The following WNT2B variants were observed in gnomAD, a reference collection of about 807,000 sequenced individuals.
WNT2B encodes protein Wnt-2b.
WNT2B carries 19 observed loss-of-function variants against 40.5 expected under a neutral mutation model. The ratio of observed to expected loss-of-function variants is 0.47; its 90% CI spans 0.33 to 0.69. The LOEUF (loss-of-function observed/expected upper bound fraction) is 0.69, where lower values mean the gene tolerates loss of function less well. WNT2B is among the 30% of genes least tolerant of loss of function. WNT2B has a pLI of 0.02. For missense variants in WNT2B, 467 were observed against 556.4 expected, an observed-to-expected ratio of 0.84 and a Z score of 1.62; for synonymous variants, 220 against 211.9, an observed-to-expected ratio of 1.04 and a Z score of -0.33.
chr1:112,518,882 G>A (rs1570801181), intron 4 of WNT2B, among the ~76,000 whole-genome samples: 1 of 152,184 alleles, frequency 6.6e-6, no homozygotes, highest in African/African-American at 2.4e-5. Context: ...TGATAGAAAT[G>A]TTTTCCTATC....
At chr1:112,490,529 T>G (rs376590731) in intron 1 of WNT2B, among the ~76,000 whole-genome samples, 2,672 of 150,808 alleles carry the variant, frequency 0.018, 83 homozygotes, top group African/African-American at 0.06. Context: ...TCGCTCTGTC[T>G]CCCAGGTTGG....
At chr1:112,506,145 C>A (rs1476740634), upstream of WNT2B, among the ~76,000 whole-genome samples, 1 of 152,066 alleles carries the variant, frequency 6.6e-6, no homozygotes, top group Non-Finnish European at 1.5e-5. Context: ...TAGCTGGGAC[C>A]ACAGGTGTGC....
chr1:112,521,821 C>T lies in WNT2B; in HGVS notation c.*1312C>T, dbSNP rs1652898116. 6.6e-6 allele frequency: 1 copy of T among 152,026 alleles called. No individual in the cohort carries two copies. Among genetic ancestry groups the T allele is most frequent in the Non-Finnish European group, 1.5e-5 (1 of 68,030 alleles). The allele number at this position is 152,026 out of a possible 1,614,324, so 9.4% of individuals were successfully genotyped here. ...ATGAAGTCCCCCAAAACTTGATGTC[C>T]TATTTTTATGTGAGTTGGACAGTGG... On this transcript the variant is annotated 3_prime_UTR_variant, in exon 5 of 5. Coordinates refer to ENST00000369684, the MANE Select transcript of WNT2B (RefSeq NM_024494.3).
At chr1:112,502,324 C>T (rs115238858) in intron 1 of WNT2B, among the ~76,000 whole-genome samples, 3,159 of 152,324 alleles carry the variant, frequency 0.021, 126 homozygotes, top group African/African-American at 0.072. Flanking sequence ...CGCCAGAGCC[C>T]TGCCCTGCAC....
At chr1:112,478,890 T>C (rs1326369367) in intron 1 of WNT2B, among the ~76,000 whole-genome samples, 1 of 152,026 alleles carries the variant, frequency 6.6e-6, no homozygotes, top group Non-Finnish European at 1.5e-5. Flanking sequence ...ACCACAGCAC[T>C]CTAGCTTGGG....
upstream of WNT2B, among the ~76,000 whole-genome samples, chr1:112,505,261 G>A (rs2101077518): frequency 6.6e-6 from 1 of 152,352 alleles, no homozygotes; most frequent in Middle Eastern, 3.4e-3. Flanking sequence ...TACTGATACT[G>A]TTCACTATGT....
In WNT2B at chr1:112,514,977, G is replaced by C. The variant is rs750053955; in HGVS notation, c.286G>C (p.Val96Leu). The change falls in exon 2 of 5, where the codon GTG becomes CTG. Residue 96 changes from valine (V) to leucine (L), a missense_variant. Physicochemically the swap from Val to Leu is conservative, Grantham distance 32. Coordinates refer to ENST00000369684, the MANE Select transcript of WNT2B (RefSeq NM_024494.3). The part of the protein sequence containing the change: ...CQRYPDIMRS[V>L]GEGAREWIRE... ...GCGTTACCCAGACATCATGCGTTCAGTGGGCGAGGGTGCCCGAGAATGGAT... is the reference window on the plus strand; with the variant it reads ...GCGTTACCCAGACATCATGCGTTCACTGGGCGAGGGTGCCCGAGAATGGAT... 1.9e-6 allele frequency: 3 copies of C among 1,614,120 alleles called. No individual in the cohort carries two copies. In the African/African-American group the frequency reaches 4.0e-5, roughly 22 times the overall value.
intron 1 of WNT2B, among the ~76,000 whole-genome samples, chr1:112,502,159 G>A (rs1196644231): frequency 6.6e-6 from 1 of 152,210 alleles, no homozygotes; most frequent in East Asian, 1.9e-4. Context: ...CCGGCGCGCA[G>A]GTGCTGCGCC....
chr1:112,492,257 A>G (rs540085788), intron 1 of WNT2B, among the ~76,000 whole-genome samples: 2 of 152,346 alleles, frequency 1.3e-5, no homozygotes, highest in South Asian at 4.1e-4. Flanking sequence ...TGAAAAATCA[A>G]CACCCTTCTT....
intron 1 of WNT2B, among the ~76,000 whole-genome samples, chr1:112,482,999 A>G (rs1452635236): frequency 6.6e-6 from 1 of 152,178 alleles, no homozygotes; most frequent in East Asian, 1.9e-4. Flanking sequence ...TTGAGCAAGA[A>G]CAAAGCTGGA....
chr1:112,480,890 C>T (rs535398549), intron 1 of WNT2B, among the ~76,000 whole-genome samples: 4 of 151,988 alleles, frequency 2.6e-5, no homozygotes, highest in Non-Finnish European at 5.9e-5. Flanking sequence ...CACCATAGGC[C>T]GGGCATGGTG....
intron 1 of WNT2B, among the ~76,000 whole-genome samples, chr1:112,473,070 A>AG (rs1557905706): frequency 6.8e-6 from 1 of 146,272 alleles, no homozygotes; most frequent in African/African-American, 2.6e-5. Context: ...GGAAAGGAAG[A>AG]AAAAGAAAGA....
intron 1 of WNT2B, among the ~76,000 whole-genome samples, chr1:112,491,304 G>A (rs765608098): frequency 3.9e-4 from 60 of 152,148 alleles, no homozygotes; most frequent in Admixed American, 2.6e-4. Flanking sequence ...GCTACTGGGA[G>A]ACTGAGGCAG....
At position 112,520,944 on chromosome 1, in the gene WNT2B, C is replaced by T. The variant is rs1458052631; in HGVS notation, c.*435C>T. The T allele has an allele frequency of 1.7e-5, 3 of 173,422 alleles. No homozygotes were observed. The highest frequency in any genetic ancestry group is 3.7e-5 in the Non-Finnish European group (3 of 80,524). 10.7% of individuals were successfully genotyped at this position (173,422 alleles called of 1,614,324 possible). A position where few individuals can be genotyped will look rare whatever the true frequency, so the allele number is the denominator to read the frequency against. ...TGGGACAAAGATGAATGGCATGTCC[C>T]TTCTCTGAAGTCCGTTTGAGCAGAA... On this transcript the variant is annotated 3_prime_UTR_variant, in exon 5 of 5. Transcript: ENST00000369684.
chr1:112,471,487 C>T (rs1650879101), intron 1 of WNT2B, among the ~76,000 whole-genome samples: 1 of 152,218 alleles, frequency 6.6e-6, no homozygotes, highest in African/African-American at 2.4e-5. Context: ...TATCTATTCA[C>T]AATTATTGAT....
chr1:112,489,141 G>A (rs1283028018), intron 1 of WNT2B, among the ~76,000 whole-genome samples: 1 of 152,044 alleles, frequency 6.6e-6, no homozygotes, highest in East Asian at 1.9e-4. Context: ...TGGGAGAACA[G>A]GTAGCAAATT....
chr1:112,486,132 A>AACACACACACACACACACAC (rs71584737), intron 1 of WNT2B, among the ~76,000 whole-genome samples: 5,056 of 143,718 alleles, frequency 0.035, 196 homozygotes, highest in African/African-American at 0.084. Context: ...ATGAGTTTTT[A>AACACACACACACACACACAC]ACACACACAC....
chr1:112,497,839 T>C (rs1025234780), intron 1 of WNT2B, among the ~76,000 whole-genome samples: 1 of 152,144 alleles, frequency 6.6e-6, no homozygotes, highest in African/African-American at 2.4e-5. Flanking sequence ...CTATAAGCAG[T>C]TAAGAGAAGC....
intron 1 of WNT2B, among the ~76,000 whole-genome samples, chr1:112,478,935 T>C (rs1040845566): frequency 6.6e-6 from 1 of 151,308 alleles, no homozygotes; most frequent in African/African-American, 2.4e-5. Context: ...AAAATAAAAC[T>C]AAAGGGCTGG....
Sources: gnomAD v4.1 joint callset for allele counts (sites outside exome capture counted in the v4.1 genomes callset) on GRCh38, gnomAD v4.1.1 for gene constraint, MANE v1.5 for transcripts, NCBI Gene and HGNC (gene_info 2026-07-23, HGNC 2026-07-21) for gene names.